The following GNL3L variants were observed in gnomAD, a reference collection of about 807,000 sequenced individuals.
GNL3L encodes the protein guanine nucleotide-binding protein-like 3-like protein.
GNL3L carries 4 observed loss-of-function variants against 42.9 expected under a neutral mutation model. That is an observed-to-expected ratio of 0.09 (90% CI 0.05 to 0.21). The LOEUF is 0.21. Ranked by LOEUF, GNL3L falls within the 10% of genes least tolerant of loss-of-function variation. The pLI is 1.00. For missense variants in GNL3L, 412 were observed against 481.7 expected (o/e 0.86, Z 1.36); for synonymous variants, 159 against 176.3 (o/e 0.90, Z 0.78).
chrX:54,598,857 C>T (rs754829155), intron 16 of GNL3L, among the ~76,000 whole-genome samples: 52 of 111,212 alleles, frequency 4.7e-4, no homozygotes, highest in Non-Finnish European at 7.4e-4. Flanking sequence ...AAACTCAGAA[C>T]ATTGAATAAC....
At chrX:54,599,849 C>T (rs930148270) in intron 16 of GNL3L, among the ~76,000 whole-genome samples, 24 of 110,706 alleles carry the variant, frequency 2.2e-4, no homozygotes, top group African/African-American at 7.9e-4. Context: ...CTGTTGGGAC[C>T]ATTCATTGAA....
intron 16 of GNL3L, among the ~76,000 whole-genome samples, chrX:54,615,060 G>T (rs1926205653): frequency 8.9e-6 from 1 of 111,807 alleles, no homozygotes; most frequent in African/African-American, 3.2e-5. Flanking sequence ...TTACCATCAA[G>T]AAATCAATTC....
At chrX:54,622,432 G>A (rs1278266388), downstream of GNL3L, among the ~76,000 whole-genome samples, 3 of 106,607 alleles carry the variant, frequency 2.8e-5, no homozygotes, top group African/African-American at 6.8e-5. Context: ...CTACAGGCAC[G>A]TGCCACCATG....
At chrX:54,590,166 C>T (rs1417026037) in intron 16 of GNL3L, among the ~76,000 whole-genome samples, 9 of 111,421 alleles carry the variant, frequency 8.1e-5, no homozygotes, top group Admixed American at 7.6e-4. Flanking sequence ...TCTTGAACTC[C>T]TGACTTTGTG....
At chrX:54,582,145 G>C (rs184611336) in intron 16 of GNL3L, among the ~76,000 whole-genome samples, 5 of 111,411 alleles carry the variant, frequency 4.5e-5, no homozygotes, top group Non-Finnish European at 9.4e-5. Flanking sequence ...TCCCCCTTTT[G>C]GGGGCTGCTG....
rs773938038 is a variant in GNL3L at position 54,548,500 on chromosome X, C to T, written c.775+127C>T. 6.6e-5 allele frequency: 35 copies of T among 532,387 alleles called. No individual in the cohort carries two copies. In the East Asian group the frequency reaches 7.7e-4, roughly 12 times the overall value. 43.9% of individuals were successfully genotyped at this position (532,387 alleles called of 1,213,427 possible). A position where few individuals can be genotyped will look rare whatever the true frequency, so the allele number is the denominator to read the frequency against. ...GAGGAGTGGTTCAGGAGAAGGGTTT[C>T]GTGATTTGTAACTTGGATGGGTGGG... On this transcript the variant is annotated intron_variant, in intron 9 of 15. Transcript: ENST00000360845.
intron 2 of GNL3L, among the ~76,000 whole-genome samples, chrX:54,538,347 A>T (rs183090029): frequency 9.0e-6 from 1 of 111,107 alleles, no homozygotes; most frequent in Non-Finnish European, 1.9e-5. Flanking sequence ...GCTTCCAGAA[A>T]CTCCTGTCTC....
At chrX:54,544,930 A>G (rs1391052651) in intron 8 of GNL3L, among the ~76,000 whole-genome samples, 1 of 111,316 alleles carries the variant, frequency 9.0e-6, no homozygotes, top group Non-Finnish European at 1.9e-5. Context: ...TTATTTATTT[A>G]TTTGAGACAG....
At chrX:54,593,383 C>A (rs1227275738) in intron 16 of GNL3L, among the ~76,000 whole-genome samples, 1 of 111,256 alleles carries the variant, frequency 9.0e-6, no homozygotes, top group Non-Finnish European at 1.9e-5. Flanking sequence ...GTAATAATTT[C>A]TTCTAGATTT....
At chrX:54,584,727 G>A (rs778313254) in intron 16 of GNL3L, among the ~76,000 whole-genome samples, 69 of 112,702 alleles carry the variant, frequency 6.1e-4, no homozygotes, top group African/African-American at 2.1e-3. Context: ...GGATCAAATG[G>A]TAATTCTGTT....
At chrX:54,558,336 C>T in intron 14 of GNL3L, 100 bp from the exon 15 acceptor site, 1 of 573,719 alleles carries the variant, frequency 1.7e-6, no homozygotes. Context: ...CTCCAGGCTC[C>T]TGTTCTTACC....
the GNL3L span, among the ~76,000 whole-genome samples, chrX:54,633,575 C>G: frequency 9.0e-6 from 1 of 110,667 alleles, no homozygotes; most frequent in African/African-American, 3.3e-5. Flanking sequence ...GGGGGACTTG[C>G]TGCGGCCAAA....
At chrX:54,538,877 C>G (rs1158759803) in intron 2 of GNL3L, among the ~76,000 whole-genome samples, 163 bp from the exon 3 acceptor site, 1 of 112,294 alleles carries the variant, frequency 8.9e-6, no homozygotes, top group Non-Finnish European at 1.9e-5. Flanking sequence ...TCCTCTGATA[C>G]TATTGCTGCC....
chrX:54,567,968 C>CT (rs537874465), downstream of GNL3L, among the ~76,000 whole-genome samples: 10,917 of 95,007 alleles, frequency 0.11, 1,206 homozygotes, highest in African/African-American at 0.3. Flanking sequence ...ATGTATTATT[C>CT]TTTTTTTTTT....
At chrX:54,585,882 A>G (rs1269087267) in intron 16 of GNL3L, among the ~76,000 whole-genome samples, 1 of 110,472 alleles carries the variant, frequency 9.1e-6, no homozygotes, top group African/African-American at 3.3e-5. Context: ...TATTGCTATA[A>G]ACTTTCTTTT....
In GNL3L at chrX:54,561,887, C is replaced by T. The variant is rs762865331; in HGVS notation, c.*1285C>T. The stretch of plus-strand genomic sequence containing the variant: ...ACAAGGGCAGTGAGCCCAAGCAGTG[C>T]CAGAGGCCCTCAGAAAGGGATTAGG... On this transcript the variant is annotated 3_prime_UTR_variant, in exon 16 of 16. Coordinates refer to ENST00000360845, the MANE Select transcript of GNL3L (RefSeq NM_001184819.2). 8.9e-6 allele frequency among the ~76,000 whole-genome samples: 1 copy of T among 111,911 alleles called. No individual in the cohort carries two copies. The highest frequency in any genetic ancestry group is 2.8e-4 in the East Asian group (1 of 3,526).
At chrX:54,634,795 T>C in the GNL3L span, among the ~76,000 whole-genome samples, 2 of 89,333 alleles carry the variant, frequency 2.2e-5, no homozygotes, top group Non-Finnish European at 4.5e-5. Flanking sequence ...CTCTTTTTTT[T>C]TTTTTTTTTT....
At position 54,543,275 on chromosome X, in the gene GNL3L, C is replaced by G. The variant is rs143190459; in HGVS notation, c.459C>G (p.Phe153Leu). The change falls in exon 7 of 16, where the codon TTC (phenylalanine) becomes TTG (leucine). Residue 153 changes from phenylalanine to leucine, a missense_variant. Physicochemically the swap from Phe to Leu is conservative, Grantham distance 22. Coordinates refer to ENST00000360845, the MANE Select transcript of GNL3L (RefSeq NM_001184819.2). ...GAGACCCATTAGGCTGCCGCTGCTT[C>G]CAAATGGAGGAGGCTGTCCTGCGAG... ...DARDPLGCRC[F>L]QMEEAVLRAQ... 441 of 1,208,134 alleles carry G rather than the reference C, an allele frequency of 3.7e-4. 1 individual carries two copies. The African/African-American group carries it at 6.4e-3, about 18-fold the overall frequency.
chrX:54,607,016 C>CT lies in GNL3L; in HGVS notation c.*46-13826dup, dbSNP rs1414918534. 1.9e-3 allele frequency among the ~76,000 whole-genome samples: 106 copies of CT among 54,572 alleles called. 7 individuals carry two copies. Among genetic ancestry groups the CT allele is most frequent in the African/African-American group, 9.5e-3 (102 of 10,742 alleles). The allele number at this position is 54,572 out of a possible 115,157, so 47.4% of individuals were successfully genotyped here. On this transcript the variant is annotated intron_variant, in intron 16 of 16. Coordinates refer to the GNL3L transcript ENST00000674498. The stretch of plus-strand genomic sequence containing the variant: ...CTTTCCTTTCTTTCTTTCTTTCTTT[C>CT]TTTCTTTCTTTCTTTCTTTCTTTCT...
Sources: gnomAD v4.1 joint callset for allele counts (sites outside exome capture counted in the v4.1 genomes callset) on GRCh38, gnomAD v4.1.1 for gene constraint, MANE v1.5 for transcripts, NCBI Gene and HGNC (gene_info 2026-07-23, HGNC 2026-07-21) for gene names.